CHD2: variants seen among roughly 807,000 people sequenced by gnomAD.
CHD2 encodes chromodomain helicase DNA binding protein 2.
CHD2 carries 28 observed loss-of-function variants against 243.9 expected under a neutral mutation model. The observed-to-expected ratio is 0.11, with a 90% confidence interval of 0.09 to 0.16. CHD2 has a LOEUF of 0.16. Among genes scored for constraint, CHD2 ranks in the 10% least tolerant of loss-of-function variants. The pLI is 1.00. For synonymous variants in CHD2, 775 were observed against 779.0 expected, an observed-to-expected ratio of 0.99 and a Z score of 0.09; for missense variants, 1,386 against 2,209.8, an observed-to-expected ratio of 0.63 and a Z score of 7.47.
intron 36 of CHD2, 119 bp from the exon 37 acceptor site, chr15:93,014,577 C>T (rs1020896039): frequency 1.1e-5 from 9 of 835,548 alleles, no homozygotes; most frequent in South Asian, 1.1e-4. Flanking sequence ...AGGTAGTAAA[C>T]GCCAGTTCAG....
At chr15:93,019,947 A>T in intron 37 of CHD2, 65 bp from the exon 38 acceptor site, 2 of 1,547,464 alleles carry the variant, frequency 1.3e-6, no homozygotes, top group African/African-American at 1.4e-5. Flanking sequence ...AAAAAAAAAA[A>T]TTGTAGTGAA....
At chr15:92,932,844 G>GGT (rs2141763685) in intron 5 of CHD2, among the ~76,000 whole-genome samples, 2 of 152,194 alleles carry the variant, frequency 1.3e-5, no homozygotes, top group East Asian at 3.9e-4. Context: ...TGTGACTCAA[G>GGT]TGATTCTCCT....
intron 26 of CHD2, among the ~76,000 whole-genome samples, chr15:92,988,021 T>G (rs956115466): frequency 6.6e-6 from 1 of 152,170 alleles, no homozygotes. Flanking sequence ...CATTACATCT[T>G]TACACATTTT....
intron 16 of CHD2, among the ~76,000 whole-genome samples, chr15:92,966,184 C>T (rs1326958049): frequency 6.6e-6 from 1 of 151,610 alleles, no homozygotes; most frequent in Non-Finnish European, 1.5e-5. Context: ...CTGCCTCAGC[C>T]TCCTGAGTAG....
In CHD2 at chr15:93,026,341, A is replaced by G. The variant is rs1400516878; in HGVS notation, c.*1636A>G. 6.5e-6 allele frequency: 1 copy of G among 152,726 alleles called. No individual in the cohort carries two copies. The highest frequency in any genetic ancestry group is 2.4e-5 in the African/African-American group (1 of 41,450). 9.5% of individuals were successfully genotyped at this position (152,726 alleles called of 1,614,324 possible). A position where few individuals can be genotyped will look rare whatever the true frequency, so the allele number is the denominator to read the frequency against. On this transcript the variant is annotated 3_prime_UTR_variant, in exon 39 of 39. Transcript: ENST00000394196. ...GCTGGTGTCCTGGGCAGCACCATGA[A>G]TGCCTTTACCAAGACATGCCAAGTT...
Position 92,997,036 on chromosome 15 carries a change from T to G in CHD2, c.3675T>G (p.His1225Gln). Reference protein sequence around the residue: ...VQVNVKSIIQHEEEFEMLHKS... With the variant: ...VQVNVKSIIQQEEEFEMLHKS... ...TTAATGTGAAATCCATTATCCAACA[T>G]GAAGAGGAGTTTGAGATGCTGCATA... The change falls in exon 29 of 39, where the codon CAT (histidine) becomes CAG (glutamine). Residue 1225 changes from histidine to glutamine, a missense_variant. Physicochemically the swap from His to Gln is conservative, Grantham distance 24. Around this residue, in one of 19 missense-constraint regions of CHD2, gnomAD observed 99 missense variants for 176.9 expected, o/e 0.56. Coordinates refer to ENST00000394196, the MANE Select transcript of CHD2 (RefSeq NM_001271.4). This position sits in a 1 kb window ranked among gnomAD's most constrained non-coding sequence, Gnocchi z 4.1. 6.2e-7 allele frequency: 1 copy of G among 1,613,668 alleles called. No homozygotes were observed. Among genetic ancestry groups the G allele is most frequent in the Non-Finnish European group, 8.5e-7 (1 of 1,179,920 alleles).
At chr15:92,989,791 C>T (rs529193788) in intron 26 of CHD2, among the ~76,000 whole-genome samples, 161 of 152,230 alleles carry the variant, frequency 1.1e-3, no homozygotes, top group Middle Eastern at 3.4e-3. Context: ...AAGAGGCAGG[C>T]CCAGAGATCC....
At chr15:92,913,945 T>A (rs545508531) in intron 2 of CHD2, among the ~76,000 whole-genome samples, 12 of 152,220 alleles carry the variant, frequency 7.9e-5, no homozygotes, top group Admixed American at 3.9e-4. Context: ...CGGTTTCTTC[T>A]CTGGCCTGAT....
chr15:92,903,721 A>G (rs2052564744), intron 2 of CHD2, among the ~76,000 whole-genome samples: 2 of 152,228 alleles, frequency 1.3e-5, no homozygotes, highest in South Asian at 4.1e-4. Flanking sequence ...AACATCAAAG[A>G]ATGAAAACGG....
intron 21 of CHD2, among the ~76,000 whole-genome samples, chr15:92,978,730 C>G (rs1005667871): frequency 6.6e-6 from 1 of 152,158 alleles, no homozygotes; most frequent in Non-Finnish European, 1.5e-5. Flanking sequence ...TTTTATTATA[C>G]ATGACAGTGT....
chr15:92,999,199 C>T (rs2141870030), intron 31 of CHD2, among the ~76,000 whole-genome samples: 1 of 152,178 alleles, frequency 6.6e-6, no homozygotes, highest in East Asian at 1.9e-4. Context: ...TCCTCTGCTC[C>T]CCAGTCCCAC....
At chr15:92,972,052 G>A (rs1281731083) in intron 18 of CHD2, 125 bp downstream of exon 18, 3 of 1,135,294 alleles carry the variant, frequency 2.6e-6, no homozygotes, top group Non-Finnish European at 3.7e-6. Context: ...CTTTAAAAAT[G>A]GGAGAGAAAA....
intron 5 of CHD2, among the ~76,000 whole-genome samples, chr15:92,931,444 A>G (rs1482015302): frequency 6.6e-6 from 1 of 152,092 alleles, no homozygotes; most frequent in African/African-American, 2.4e-5. Context: ...CAGTGGTGCA[A>G]CCTTGGCTCT....
chr15:92,993,306 C>A, intron 28 of CHD2: 1 of 270,232 alleles, frequency 3.7e-6, no homozygotes, highest in Non-Finnish European at 7.2e-6. Context: ...GTGGACACCT[C>A]TGTATTTTGG....
At chr15:92,947,703 G>T (rs987519664) in intron 12 of CHD2, 1 of 152,332 alleles carries the variant, frequency 6.6e-6, no homozygotes, top group Admixed American at 6.5e-5. Flanking sequence ...TAACAGTGGC[G>T]TGGAAGGAGT....
rs2053018255 is a variant in CHD2 at position 92,924,409 on chromosome 15, A to G, written c.151A>G (p.Ser51Gly). The G allele has an allele frequency of 6.2e-7, 1 of 1,614,226 alleles. No individual in the cohort carries two copies. Residue 51 changes from serine (S) to glycine (G), a missense_variant, in exon 3 of 39, where the codon AGC (serine) becomes GGC (glycine). Ser to Gly is a moderately conservative substitution (Grantham distance 56). Transcript: ENST00000394196. Reference sequence around the variant, plus strand: ...AAGTGATCCAGGAAGTGGACATGGCAGCGAGTCGAACAGCAGCTCTGAATC... The same window carrying G: ...AAGTGATCCAGGAAGTGGACATGGCGGCGAGTCGAACAGCAGCTCTGAATC... ...QGSDPGSGHG[S>G]ESNSSSESSE...
chr15:92,956,497 G>C lies in CHD2; in HGVS notation c.1848G>C (p.Val616=). The part of the protein sequence containing the change: ...LGSINWAFLG[V]DEAHRLKNDD... ...GTATTAACTGGGCCTTTCTGGGAGT[G>C]GATGAAGCCCATCGGTTGAAGAATG... The change falls in exon 16 of 39, where the codon GTG becomes GTC. Residue 616 remains valine (V), a synonymous_variant. Coordinates refer to ENST00000394196, the MANE Select transcript of CHD2 (RefSeq NM_001271.4). 1.9e-6 allele frequency: 3 copies of C among 1,613,882 alleles called. No homozygotes were observed. The highest frequency in any genetic ancestry group is 2.5e-6 in the Non-Finnish European group (3 of 1,179,880).
Position 92,944,423 on chromosome 15 carries a change from A to G in CHD2, c.1061A>G (p.Lys354Arg), listed in dbSNP as rs2053430755. Residue 354 changes from lysine to arginine, a missense_variant, in exon 10 of 39, where the codon AAA becomes AGA. Transcript: ENST00000394196. ...GTCTGTCTGCCATTCAGGTTAGGGA[A>G]AGTTTCTCCTGAAGATGTAGAATAT... ...KEDEIKQWLGKVSPEDVEYFN... is the reference protein window; with the variant it reads ...KEDEIKQWLGRVSPEDVEYFN... 1 of 1,603,486 alleles carries G rather than the reference A, an allele frequency of 6.2e-7. No individual in the cohort carries two copies.
chr15:92,998,688 AAG>A lies in CHD2; in HGVS notation c.4008+74_4008+75del. On this transcript the variant is annotated intron_variant, in intron 31 of 38. Coordinates refer to ENST00000394196, the MANE Select transcript of CHD2 (RefSeq NM_001271.4). This position sits in a 1 kb window ranked among gnomAD's most constrained non-coding sequence, Gnocchi z 5.1. ...CTCCTACCCTGCAGAATTAGGTAGG[AAG>A]AGAGAGGCCCTCTCTGAGCACTGCA... is the stretch of plus-strand genomic sequence containing the variant. The A allele has an allele frequency of 6.4e-7, 1 of 1,569,882 alleles. No individual in the cohort carries two copies. The highest frequency in any genetic ancestry group is 8.7e-7 in the Non-Finnish European group (1 of 1,153,428).
Sources: gnomAD v4.1 joint callset for allele counts (sites outside exome capture counted in the v4.1 genomes callset) on GRCh38, gnomAD v4.1.1 for gene constraint, gnomAD v4.1.1 regional missense constraint, Gnocchi (gnomAD v3.1) non-coding constraint, MANE v1.5 for transcripts, NCBI Gene and HGNC (gene_info 2026-07-23, HGNC 2026-07-21) for gene names.